PPP3CC: variants seen among roughly 807,000 people sequenced by gnomAD.
PPP3CC encodes the protein protein phosphatase 3 catalytic subunit gamma, also known as serine/threonine-protein phosphatase 2B catalytic subunit gamma isoform.
A neutral mutation model predicts 60.3 loss-of-function variants in PPP3CC; 35 were observed. The ratio of observed to expected loss-of-function variants is 0.58; its 90% CI spans 0.44 to 0.77. The LOEUF (loss-of-function observed/expected upper bound fraction) is 0.77, where lower values mean the gene tolerates loss of function less well. Ranked by LOEUF, PPP3CC falls within the 30% of genes least tolerant of loss-of-function variation. The probability of loss-of-function intolerance (pLI) is 0.00; values close to 1 mark genes in which losing one functional copy is unlikely to be tolerated. For missense variants in PPP3CC, 570 were observed against 628.9 expected, an observed-to-expected ratio of 0.91 and a Z score of 1.00; for synonymous variants, 206 against 224.3, an observed-to-expected ratio of 0.92 and a Z score of 0.73.
At chr8:22,522,796 G>A (rs776362618) in intron 8 of PPP3CC, 47 bp downstream of exon 8, 5 of 1,346,348 alleles carry the variant, frequency 3.7e-6, no homozygotes, top group South Asian at 3.6e-5. Context: ...GAGTAAACGT[G>A]AGCTCTGGTT....
intron 12 of PPP3CC, among the ~76,000 whole-genome samples, chr8:22,534,541 A>T (rs894321769): frequency 6.6e-6 from 1 of 152,234 alleles, no homozygotes; most frequent in Non-Finnish European, 1.5e-5. Flanking sequence ...ACTACTGGGC[A>T]GTAAAGCTAA....
intron 11 of PPP3CC, among the ~76,000 whole-genome samples, 168 bp downstream of exon 11, chr8:22,532,474 A>G (rs1237758938): frequency 1.3e-5 from 2 of 152,212 alleles, no homozygotes; most frequent in Non-Finnish European, 2.9e-5. Context: ...TGTTCCAGCA[A>G]ACATTGATTT....
chr8:22,511,042 A>G (rs774174179), intron 4 of PPP3CC, 44 bp from the exon 5 acceptor site: 1 of 1,593,488 alleles, frequency 6.3e-7, no homozygotes, highest in South Asian at 1.1e-5. Flanking sequence ...TTCAAATGTG[A>G]TACGTTTTAG....
Position 22,460,900 on chromosome 8 carries a change from C to T in PPP3CC, c.50-14054C>T, listed in dbSNP as rs538220149. Among the ~76,000 whole-genome samples the T allele has an allele frequency of 3.3e-5, 5 of 152,226 alleles. No individual in the cohort carries two copies. In the East Asian group the frequency reaches 9.7e-4, roughly 29 times the overall value. On this transcript the variant is annotated intron_variant, in intron 1 of 13. Transcript: ENST00000240139. ...TTGCTCAGTTGCCCAGGCTGGAGTG[C>T]AGTGGTGTGATCTCGGCTCACTGCA... is the stretch of plus-strand genomic sequence containing the variant.
intron 1 of PPP3CC, among the ~76,000 whole-genome samples, chr8:22,447,741 G>A (rs1410288906): frequency 6.6e-6 from 1 of 152,174 alleles, no homozygotes; most frequent in Non-Finnish European, 1.5e-5. Flanking sequence ...TTATCCAGAT[G>A]AATGTAGAGA....
chr8:22,539,287 C>T (rs1839909240), intron 12 of PPP3CC, among the ~76,000 whole-genome samples, 182 bp from the exon 13 acceptor site: 1 of 152,112 alleles, frequency 6.6e-6, no homozygotes, highest in East Asian at 1.9e-4. Flanking sequence ...CCATATTCCT[C>T]CCACCCCAAT....
chr8:22,450,777 C>G (rs950968449), intron 1 of PPP3CC, among the ~76,000 whole-genome samples: 1 of 151,934 alleles, frequency 6.6e-6, no homozygotes, highest in Non-Finnish European at 1.5e-5. Context: ...ATTTCACAAC[C>G]CTCATCCCCA....
At chr8:22,530,840 A>AAAAAAAAAAAAAAAC (rs1415636717) in intron 10 of PPP3CC, among the ~76,000 whole-genome samples, 10 of 137,982 alleles carry the variant, frequency 7.2e-5, no homozygotes, top group African/African-American at 3.3e-4. Context: ...AAAAAAAAAA[A>AAAAAAAAAAAAAAAC]AAAAAAAAAA....
chr8:22,527,614 TTTTG>T, intron 9 of PPP3CC, 97 bp downstream of exon 9: 1 of 1,437,282 alleles, frequency 7.0e-7, no homozygotes, highest in Non-Finnish European at 9.4e-7. Flanking sequence ...TGTTTTCTAA[TTTTG>T]TTTGTTCTCT....
At chr8:22,490,152 T>C (rs535765804) in intron 3 of PPP3CC, among the ~76,000 whole-genome samples, 1 of 152,198 alleles carries the variant, frequency 6.6e-6, no homozygotes, top group Admixed American at 6.6e-5. Context: ...TTTTTTAATG[T>C]ATAGAGCTTT....
At chr8:22,532,800 C>T (rs1448403775) in intron 11 of PPP3CC, 121 bp from the exon 12 acceptor site, 4 of 577,998 alleles carry the variant, frequency 6.9e-6, no homozygotes, top group Middle Eastern at 5.4e-4. Context: ...TCAGGGAAGG[C>T]GTAGGAGGTA....
At chr8:22,492,720 G>A in intron 3 of PPP3CC, 1 of 980,032 alleles carries the variant, frequency 1.0e-6, no homozygotes, top group Non-Finnish European at 1.6e-6. Context: ...GCGGTTCATA[G>A]AACAGCCACA....
At chr8:22,460,135 GTT>G (rs983786274) in intron 1 of PPP3CC, among the ~76,000 whole-genome samples, 1 of 152,010 alleles carries the variant, frequency 6.6e-6, no homozygotes, top group Non-Finnish European at 1.5e-5. Context: ...GATTCTAAGA[GTT>G]TTGTTTTTGT....
rs1839589166 is a variant in PPP3CC, at chr8:22,527,489, A to G, written c.1041A>G (p.Thr347=). The G allele has an allele frequency of 1.2e-6, 2 of 1,614,042 alleles. No individual in the cohort carries two copies. Among genetic ancestry groups the G allele is most frequent in the Non-Finnish European group, 1.7e-6 (2 of 1,179,982 alleles). ...TTCCAAACTTTATGGATGTTTTCAC[A>G]TGGTCTTTGCCTTTTGTTGGGGAAA... is the stretch of plus-strand genomic sequence containing the variant. ...YWLPNFMDVF[T]WSLPFVGEKV... Residue 347 remains threonine (T), a synonymous_variant, in exon 9 of 14, where the codon ACA becomes ACG. Transcript: ENST00000240139.
intron 1 of PPP3CC, among the ~76,000 whole-genome samples, chr8:22,450,803 ATT>A (rs1257636426): frequency 2.6e-4 from 8 of 31,276 alleles, no homozygotes; most frequent in South Asian, 7.6e-4. Flanking sequence ...CTTTATTTTT[ATT>A]TATTTATTTA....
intron 1 of PPP3CC, among the ~76,000 whole-genome samples, chr8:22,445,781 T>C (rs1836802916): frequency 6.6e-6 from 1 of 152,194 alleles, no homozygotes; most frequent in Non-Finnish European, 1.5e-5. Flanking sequence ...AAAGTTGATA[T>C]CTCCTGGATT....
At chr8:22,455,595 G>T (rs1333208686) in intron 1 of PPP3CC, among the ~76,000 whole-genome samples, 1 of 152,184 alleles carries the variant, frequency 6.6e-6, no homozygotes, top group Non-Finnish European at 1.5e-5. Flanking sequence ...AAGCAAGTTG[G>T]TTATTTTTAA....
intron 8 of PPP3CC, among the ~76,000 whole-genome samples, chr8:22,525,204 C>T (rs775530201): frequency 2.0e-5 from 3 of 152,146 alleles, no homozygotes; most frequent in Non-Finnish European, 2.9e-5. Context: ...AGTATTCTGT[C>T]GGCTTTGACA....
intron 8 of PPP3CC, among the ~76,000 whole-genome samples, chr8:22,524,282 G>T (rs1475814036): frequency 6.6e-6 from 1 of 152,138 alleles, no homozygotes; most frequent in East Asian, 1.9e-4. Flanking sequence ...AAGTTTCAAA[G>T]ATGGCCAAAA....
Sources: gnomAD v4.1 joint callset for allele counts (sites outside exome capture counted in the v4.1 genomes callset) on GRCh38, gnomAD v4.1.1 for gene constraint, MANE v1.5 for transcripts, NCBI Gene and HGNC (gene_info 2026-07-23, HGNC 2026-07-21) for gene names.